The following BCHE variants were observed in gnomAD, a reference collection of about 807,000 sequenced individuals.
BCHE encodes the protein butyrylcholinesterase, also known as cholinesterase.
Under a neutral mutation model 51.3 loss-of-function variants are expected in BCHE, and 48 were observed. The ratio of observed to expected loss-of-function variants is 0.94; its 90% CI spans 0.74 to 1.19. The LOEUF is 1.19. Among genes scored for constraint, BCHE ranks in the 50% most tolerant of loss-of-function variants. The probability of loss-of-function intolerance (pLI) is 0.00; values close to 1 mark genes in which losing one functional copy is unlikely to be tolerated. For synonymous variants in BCHE, 251 were observed against 238.0 expected, an observed-to-expected ratio of 1.05 and a Z score of -0.50; for missense variants, 847 against 708.2, an observed-to-expected ratio of 1.20 and a Z score of -2.23.
Position 165,829,778 on chromosome 3 carries a change from T to A in BCHE, c.1256A>T (p.Asp419Val), listed in dbSNP as rs973429696. ...RPENYREALG[D>V]VVGDYNFICP... Reference sequence around the variant, plus strand: ...TATGAAATTATAATCCCCAACAACATCACCCAAGGCCTCACGGTAGTTTTC... The same window carrying A: ...TATGAAATTATAATCCCCAACAACAACACCCAAGGCCTCACGGTAGTTTTC... The change falls in exon 2 of 4, where the codon GAT becomes GTT. Residue 419 changes from aspartate to valine, a missense_variant. Asp to Val is a radical substitution (Grantham distance 152). Coordinates refer to ENST00000264381, the MANE Select transcript of BCHE (RefSeq NM_000055.4). The A allele has an allele frequency of 1.4e-5, 22 of 1,613,712 alleles. No homozygotes were observed. Among genetic ancestry groups the A allele is most frequent in the African/African-American group, 1.3e-4 (10 of 74,858 alleles).
chr3:165,833,309 A>G (rs1490494865), intron 1 of BCHE, among the ~76,000 whole-genome samples: 1 of 152,154 alleles, frequency 6.6e-6, no homozygotes, highest in Non-Finnish European at 1.5e-5. Flanking sequence ...TAAGAAATGC[A>G]TTGTTAGGCG....
intron 2 of BCHE, among the ~76,000 whole-genome samples, chr3:165,802,712 A>G (rs1313274014): frequency 6.6e-6 from 1 of 151,986 alleles, no homozygotes; most frequent in Non-Finnish European, 1.5e-5. Flanking sequence ...ATGTCATAGA[A>G]ATAAATGATT....
chr3:165,783,691 T>C (rs1482892790), intron 3 of BCHE, among the ~76,000 whole-genome samples: 1 of 152,074 alleles, frequency 6.6e-6, no homozygotes, highest in East Asian at 1.9e-4. Context: ...GGACTTCTGT[T>C]CTTTAAATAA....
intron 2 of BCHE, among the ~76,000 whole-genome samples, chr3:165,825,630 C>T (rs1190569308): frequency 2.6e-5 from 4 of 151,856 alleles, no homozygotes; most frequent in Non-Finnish European, 4.4e-5. Flanking sequence ...TATACATGTG[C>T]CGTGTTGGTG....
intron 2 of BCHE, among the ~76,000 whole-genome samples, chr3:165,810,508 G>T (rs1304842526): frequency 2.0e-5 from 3 of 152,080 alleles, no homozygotes; most frequent in African/African-American, 4.8e-5. Flanking sequence ...ATCTTTGGAT[G>T]TGTTATTTTA....
At chr3:165,807,702 A>G (rs961811696) in intron 2 of BCHE, among the ~76,000 whole-genome samples, 2 of 151,452 alleles carry the variant, frequency 1.3e-5, no homozygotes, top group Non-Finnish European at 2.9e-5. Flanking sequence ...CTACAGGCAC[A>G]TGCCACCACA....
chr3:165,807,737 T>C (rs1713921828), intron 2 of BCHE, among the ~76,000 whole-genome samples: 1 of 151,086 alleles, frequency 6.6e-6, no homozygotes, highest in Non-Finnish European at 1.5e-5. Context: ...TTTTGTACAA[T>C]ATTTTTAGTA....
At chr3:165,801,672 A>G (rs954977369) in intron 2 of BCHE, among the ~76,000 whole-genome samples, 1 of 152,220 alleles carries the variant, frequency 6.6e-6, no homozygotes. Flanking sequence ...TGCCAATAGT[A>G]TATTTATCTT....
intron 3 of BCHE, among the ~76,000 whole-genome samples, chr3:165,781,479 A>G (rs1712696113): frequency 6.6e-6 from 1 of 152,112 alleles, no homozygotes; most frequent in Admixed American, 6.6e-5. Context: ...AACTAACACA[A>G]CTAACACAGG....
rs750277149 is a variant in BCHE at position 165,830,537 on chromosome 3, C to A, written c.497G>T (p.Arg166Ile). ...YDGKFLARVE[R>I]VIVVSMNYRV... ...ATAGTTCATTGACACTACAATAACTCTTTCAACCCGAGCCAGAAACTTGCC... is the reference window on the plus strand; with the variant it reads ...ATAGTTCATTGACACTACAATAACTATTTCAACCCGAGCCAGAAACTTGCC... Residue 166 changes from arginine to isoleucine, a missense_variant, in exon 2 of 4, where the codon AGA (arginine) becomes ATA (isoleucine). Transcript: ENST00000264381. 4 of 1,613,900 alleles carry A rather than the reference C, an allele frequency of 2.5e-6. 1 individual carries two copies. Among genetic ancestry groups the A allele is most frequent in the South Asian group, 2.2e-5 (2 of 91,090 alleles).
chr3:165,812,413 A>G (rs1480138020), intron 2 of BCHE, among the ~76,000 whole-genome samples: 1 of 151,896 alleles, frequency 6.6e-6, no homozygotes, highest in African/African-American at 2.4e-5. Flanking sequence ...TCTTATTGGC[A>G]TGATAATCTA....
chr3:165,810,364 A>G (rs578053194), intron 2 of BCHE, among the ~76,000 whole-genome samples: 1 of 152,280 alleles, frequency 6.6e-6, no homozygotes, highest in African/African-American at 2.4e-5. Context: ...CTCAATAGAC[A>G]TTACATATGG....
chr3:165,774,605 G>A (rs1426899615), intron 3 of BCHE, among the ~76,000 whole-genome samples: 1 of 152,158 alleles, frequency 6.6e-6, no homozygotes, highest in Non-Finnish European at 1.5e-5. Flanking sequence ...CTCCCAAAGT[G>A]CTGGGAATAG....
rs908125482 is a variant in BCHE, at chr3:165,777,589, T to A, written c.1685-4083A>T. 9 of 238,590 alleles carry A rather than the reference T, an allele frequency of 3.8e-5. No individual in the cohort carries two copies. The Admixed American group carries it at 4.4e-4, about 12-fold the overall frequency. 14.8% of individuals were successfully genotyped at this position (238,590 alleles called of 1,614,324 possible). On this transcript the variant is annotated intron_variant, in intron 3 of 3. Coordinates refer to ENST00000264381, the MANE Select transcript of BCHE (RefSeq NM_000055.4). Reference sequence around the variant, plus strand: ...TATAGAGATATTAAAAACAAGTTTCTCCAAAGCAAATCTCTGTGTGCAGGG... The same window carrying A: ...TATAGAGATATTAAAAACAAGTTTCACCAAAGCAAATCTCTGTGTGCAGGG...
chr3:165,831,905 T>C (rs936764185), intron 1 of BCHE, among the ~76,000 whole-genome samples: 1 of 152,200 alleles, frequency 6.6e-6, no homozygotes, highest in Non-Finnish European at 1.5e-5. Flanking sequence ...ATACTCAGTA[T>C]TACTCAATAT....
chr3:165,800,504 T>A (rs1245957674), intron 2 of BCHE, among the ~76,000 whole-genome samples: 1 of 152,130 alleles, frequency 6.6e-6, no homozygotes, highest in Non-Finnish European at 1.5e-5. Flanking sequence ...ACCCAGGGTT[T>A]CTCTGCTTTT....
At chr3:165,835,084 T>C (rs1715143702) in intron 1 of BCHE, among the ~76,000 whole-genome samples, 1 of 151,858 alleles carries the variant, frequency 6.6e-6, no homozygotes, top group African/African-American at 2.4e-5. Flanking sequence ...TTTTGAGGAA[T>C]TTGAGTTTTT....
chr3:165,825,921 T>C (rs9825995), intron 2 of BCHE, among the ~76,000 whole-genome samples: 1 of 152,112 alleles, frequency 6.6e-6, no homozygotes, highest in Non-Finnish European at 1.5e-5. Context: ...ATCCATCAGA[T>C]AGAAACAAAG....
At chr3:165,835,376 AT>A (rs1715153375) in intron 1 of BCHE, among the ~76,000 whole-genome samples, 2 of 151,842 alleles carry the variant, frequency 1.3e-5, no homozygotes, top group South Asian at 4.1e-4. Flanking sequence ...CAAGCCAAGA[AT>A]TTTTAAAAGA....
Sources: gnomAD v4.1 joint callset for allele counts (sites outside exome capture counted in the v4.1 genomes callset) on GRCh38, gnomAD v4.1.1 for gene constraint, MANE v1.5 for transcripts, NCBI Gene and HGNC (gene_info 2026-07-23, HGNC 2026-07-21) for gene names.